Variants in FLACC1 observed in about 807,000 individuals in gnomAD.
FLACC1 encodes flagellum associated containing coiled-coil domains 1, also known as flagellum-associated coiled-coil domain-containing protein 1.
A neutral mutation model predicts 62.8 loss-of-function variants in FLACC1; 66 were observed. That is an observed-to-expected ratio of 1.05 (90% CI 0.86 to 1.29). The LOEUF is 1.29. Ranked by LOEUF, FLACC1 falls within the 50% of genes most tolerant of loss-of-function variation. The pLI, the probability that FLACC1 is intolerant of heterozygous loss-of-function variation, is 0.00. For missense variants in FLACC1, 452 were observed against 489.1 expected (o/e 0.92, Z 0.71); for synonymous variants, 156 against 161.0 (o/e 0.97, Z 0.24).
intron 9 of FLACC1, among the ~76,000 whole-genome samples, chr2:201,313,400 T>G (rs1441987629): frequency 1.3e-5 from 2 of 152,148 alleles, no homozygotes; most frequent in Non-Finnish European, 2.9e-5. Context: ...ATTGATCTTC[T>G]GGGTTTCGTG....
chr2:201,308,178 C>T (rs1237842011), intron 10 of FLACC1, among the ~76,000 whole-genome samples: 1 of 152,220 alleles, frequency 6.6e-6, no homozygotes, highest in Non-Finnish European at 1.5e-5. Context: ...TCTGACTGAG[C>T]TGGATGGTGA....
In FLACC1 at chr2:201,295,948, C is replaced by CA. The variant is rs770805891; in HGVS notation, c.942+3289dup. ...CACTGGCCATCAGAGAAATGCAAAT[C>CA]AAACCACAATGAGATACCATCTCAC... On this transcript the variant is annotated intron_variant, in intron 12 of 14. Coordinates refer to ENST00000392257, the MANE Select transcript of FLACC1 (RefSeq NM_001127391.3). Among the ~76,000 whole-genome samples the CA allele has an allele frequency of 4.2e-3, 642 of 152,200 alleles. 2 individuals are homozygous for CA. Among genetic ancestry groups the CA allele is most frequent in the South Asian group, 0.017 (84 of 4,810 alleles).
At chr2:201,300,899 C>T (rs1049627403) in intron 11 of FLACC1, among the ~76,000 whole-genome samples, 7 of 152,064 alleles carry the variant, frequency 4.6e-5, no homozygotes, top group Admixed American at 4.6e-4. Flanking sequence ...ACAGAAAGGA[C>T]ATCCACACCA....
At chr2:201,319,555 G>A (rs372799432) in intron 9 of FLACC1, among the ~76,000 whole-genome samples, 63 of 152,134 alleles carry the variant, frequency 4.1e-4, no homozygotes, top group Admixed American at 1.2e-3. Flanking sequence ...AAAAAAACCC[G>A]TCAACAAAGT....
chr2:201,351,676 G>C, intron 1 of FLACC1: 2 of 331,828 alleles, frequency 6.0e-6, no homozygotes, highest in South Asian at 7.1e-5. Flanking sequence ...GGGCATGGTG[G>C]CTCACGCCTG....
At chr2:201,307,729 C>T (rs1950136477) in intron 10 of FLACC1, 107 bp from the exon 11 acceptor site, 4 of 856,950 alleles carry the variant, frequency 4.7e-6, no homozygotes, top group Admixed American at 3.9e-5. Context: ...CTGTGTCAGA[C>T]TCAAGGTCAT....
intron 12 of FLACC1, among the ~76,000 whole-genome samples, chr2:201,297,164 T>A (rs1314608061): frequency 6.6e-6 from 1 of 152,134 alleles, no homozygotes; most frequent in Non-Finnish European, 1.5e-5. Flanking sequence ...AGTGTGGAAC[T>A]GGGCATGTTA....
At chr2:201,363,631 G>A in the FLACC1 span, among the ~76,000 whole-genome samples, 2 of 151,316 alleles carry the variant, frequency 1.3e-5, no homozygotes, top group African/African-American at 4.9e-5. Flanking sequence ...AGAGGTCTTG[G>A]TATGGGGGGC....
chr2:201,321,029 G>A (rs1261258887), intron 9 of FLACC1, among the ~76,000 whole-genome samples: 5 of 152,188 alleles, frequency 3.3e-5, no homozygotes, highest in South Asian at 2.1e-4. Context: ...GGCTAACCAG[G>A]AGGTCCTGAG....
chr2:201,340,646 T>C (rs1303068360), intron 7 of FLACC1, among the ~76,000 whole-genome samples: 3 of 152,246 alleles, frequency 2.0e-5, no homozygotes, highest in Non-Finnish European at 4.4e-5. Context: ...GATAAAATTG[T>C]CTTACATCCC....
chr2:201,360,816 G>A (rs1178612913), upstream of FLACC1, among the ~76,000 whole-genome samples: 1 of 152,194 alleles, frequency 6.6e-6, no homozygotes, highest in Non-Finnish European at 1.5e-5. Flanking sequence ...AGTGGCTCAT[G>A]CCTGTAATTC....
chr2:201,306,099 TA>T (rs71022361), intron 11 of FLACC1, among the ~76,000 whole-genome samples: 52,941 of 146,308 alleles, frequency 0.36, 10,342 homozygotes, highest in East Asian at 0.49. Flanking sequence ...AAAAAAAGAA[TA>T]AAAAAAAAAA....
At chr2:201,317,030 G>C (rs191192499) in intron 9 of FLACC1, among the ~76,000 whole-genome samples, 1 of 152,078 alleles carries the variant, frequency 6.6e-6, no homozygotes. Context: ...AGCAAAACTA[G>C]CATACAAGGG....
intron 7 of FLACC1, among the ~76,000 whole-genome samples, chr2:201,340,385 T>C (rs1950782979): frequency 6.6e-6 from 1 of 152,188 alleles, no homozygotes; most frequent in Non-Finnish European, 1.5e-5. Context: ...TATTTTTGTG[T>C]TGTGCTACTG....
At position 201,288,394 on chromosome 2, in the gene FLACC1, C is replaced by T. The variant is rs1331630680; in HGVS notation, c.*261G>A. 2 of 329,650 alleles carry T rather than the reference C, an allele frequency of 6.1e-6. No homozygotes were observed. The highest frequency in any genetic ancestry group is 4.9e-5 in the East Asian group (1 of 20,358). The allele number at this position is 329,650 out of a possible 1,614,324, so 20.4% of individuals were successfully genotyped here. On this transcript the variant is annotated 3_prime_UTR_variant, in exon 15 of 15. Coordinates refer to ENST00000392257, the MANE Select transcript of FLACC1 (RefSeq NM_001127391.3). ...AAATCAGTTTCTTTCTAACGAAATA[C>T]GTCAAGGTAGAAGAAAAATAGTACA... is the stretch of plus-strand genomic sequence containing the variant.
chr2:201,309,361 A>AG (rs1950169365), intron 9 of FLACC1, 111 bp from the exon 10 acceptor site: 3 of 772,524 alleles, frequency 3.9e-6, no homozygotes, highest in Non-Finnish European at 6.7e-6. Context: ...CACAGTGGCC[A>AG]GGGCCCATCA....
At chr2:201,364,089 C>T in the FLACC1 span, among the ~76,000 whole-genome samples, 1 of 152,144 alleles carries the variant, frequency 6.6e-6, no homozygotes, top group Non-Finnish European at 1.5e-5. Flanking sequence ...CAAGTATATA[C>T]TCAGTCACAT....
At chr2:201,300,881 A>T (rs1265298308) in intron 11 of FLACC1, among the ~76,000 whole-genome samples, 2 of 152,196 alleles carry the variant, frequency 1.3e-5, no homozygotes, top group African/African-American at 4.8e-5. Context: ...TAGAAGGAAA[A>T]CTAACAAACA....
chr2:201,339,505 G>A (rs1950763459), intron 7 of FLACC1, among the ~76,000 whole-genome samples: 2 of 151,824 alleles, frequency 1.3e-5, no homozygotes, highest in African/African-American at 4.8e-5. Flanking sequence ...TTGTTTATTT[G>A]AAATCTTTCT....
Sources: gnomAD v4.1 joint callset for allele counts (sites outside exome capture counted in the v4.1 genomes callset) on GRCh38, gnomAD v4.1.1 for gene constraint, MANE v1.5 for transcripts, NCBI Gene and HGNC (gene_info 2026-07-23, HGNC 2026-07-21) for gene names.